The following SATB1 variants were observed in gnomAD, a reference collection of about 807,000 sequenced individuals.
SATB1 encodes the protein DNA-binding protein SATB1.
In SATB1, 11 loss-of-function variants were observed where a neutral mutation model predicts 86.9. The ratio of observed to expected loss-of-function variants is 0.13; its 90% CI spans 0.08 to 0.21. The LOEUF (loss-of-function observed/expected upper bound fraction) is 0.21. SATB1 is among the 10% of genes least tolerant of loss of function. SATB1 has a pLI of 1.00. For missense variants in SATB1, 551 were observed against 937.6 expected, an observed-to-expected ratio of 0.59 and a Z score of 5.39; for synonymous variants, 357 against 357.2, an observed-to-expected ratio of 1.00 and a Z score of 0.01.
chr3:18,428,634 T>C (rs567355028), upstream of SATB1, among the ~76,000 whole-genome samples: 1 of 152,250 alleles, frequency 6.6e-6, no homozygotes, highest in Non-Finnish European at 1.5e-5. Context: ...GCCATCAAAA[T>C]AGAAAACCTC....
Position 18,346,894 on chromosome 3 carries a change from T to C in SATB1, c.*2276A>G, listed in dbSNP as rs1694085249. On this transcript the variant is annotated 3_prime_UTR_variant, in exon 11 of 11. Transcript: ENST00000338745. Reference sequence around the variant, plus strand: ...TAAATACATGAAACCTAGTTTCTATTTTCTTAATTCAAATTCCTTTGGCTC... The same window carrying C: ...TAAATACATGAAACCTAGTTTCTATCTTCTTAATTCAAATTCCTTTGGCTC... 1 of 152,198 alleles carries C rather than the reference T, an allele frequency of 6.6e-6. No homozygotes were observed. Among genetic ancestry groups the C allele is most frequent in the Non-Finnish European group, 1.5e-5 (1 of 68,022 alleles). The allele number at this position is 152,198 out of a possible 1,614,324, so 9.4% of individuals were successfully genotyped here.
At chr3:18,426,205 A>C (rs1698695471), upstream of SATB1, among the ~76,000 whole-genome samples, 1 of 152,226 alleles carries the variant, frequency 6.6e-6, no homozygotes, top group Admixed American at 6.5e-5. This position sits in a 1 kb window ranked among gnomAD's most constrained non-coding sequence, Gnocchi z 4.2. Flanking sequence ...GTGGTCCTTA[A>C]ACTATGAGGA....
chr3:18,359,121 G>C (rs949831035), intron 9 of SATB1, among the ~76,000 whole-genome samples: 1 of 151,954 alleles, frequency 6.6e-6, no homozygotes, highest in African/African-American at 2.4e-5. Context: ...AATTTAATCA[G>C]ATAAAAAGGT....
chr3:18,407,969 A>C (rs2125142123), intron 5 of SATB1, among the ~76,000 whole-genome samples: 1 of 152,126 alleles, frequency 6.6e-6, no homozygotes, highest in Non-Finnish European at 1.5e-5. Context: ...GACAAGCCTG[A>C]GAGAGTTGGT....
At chr3:18,399,067 T>A (rs1697110591) in intron 5 of SATB1, among the ~76,000 whole-genome samples, 1 of 152,212 alleles carries the variant, frequency 6.6e-6, no homozygotes, top group Admixed American at 6.5e-5. Flanking sequence ...TTAAAAAAAT[T>A]ATTACTCTTT....
rs766836200 is a variant in SATB1 at position 18,349,341 on chromosome 3, C to T, written c.2121G>A (p.Lys707=). 1.9e-6 allele frequency: 3 copies of T among 1,614,132 alleles called. No individual in the cohort carries two copies. The highest frequency in any genetic ancestry group is 1.7e-6 in the Non-Finnish European group (2 of 1,180,032). Residue 707 remains lysine (K), a synonymous_variant, in exon 11 of 11, where the codon AAG becomes AAA. Transcript: ENST00000338745. This position sits in a 1 kb window ranked among gnomAD's most constrained non-coding sequence, Gnocchi z 5.5. ...CATCGACCTCTAAACCGGAATTGTC[C>T]TTCAGTTTGCCGTGGTGCTTGAGAT... ...RYYLKHHGKL[K]DNSGLEVDVA...
chr3:18,363,324 G>T lies in SATB1; in HGVS notation c.1576-11129C>A, dbSNP rs983662392. Among the ~76,000 whole-genome samples, 7 of 152,134 alleles carry T rather than the reference G, an allele frequency of 4.6e-5. No homozygotes were observed. In the East Asian group the frequency reaches 1.3e-3, roughly 29 times the overall value. On this transcript the variant is annotated intron_variant, in intron 9 of 10. Transcript: ENST00000338745. ...ATCCATTATACAAACTTGCTAATCA[G>T]AAGTTGGCTTAATTTGAAAGACCCA...
At chr3:18,376,179 A>C (rs969108463) in intron 9 of SATB1, among the ~76,000 whole-genome samples, 1 of 151,960 alleles carries the variant, frequency 6.6e-6, no homozygotes, top group Non-Finnish European at 1.5e-5. Flanking sequence ...TACTCAGCCC[A>C]GATTGGGGAG....
chr3:18,390,232 C>T (rs1696583123), intron 7 of SATB1, among the ~76,000 whole-genome samples: 1 of 152,108 alleles, frequency 6.6e-6, no homozygotes, highest in Admixed American at 6.6e-5. Flanking sequence ...AACATAATCA[C>T]TGATTCAAAT....
chr3:18,406,713 C>A (rs551424339), intron 5 of SATB1, among the ~76,000 whole-genome samples: 3 of 151,978 alleles, frequency 2.0e-5, no homozygotes, highest in Non-Finnish European at 2.9e-5. Context: ...AAGCATGAGA[C>A]AGCTTGAAAT....
chr3:18,360,599 A>G (rs1694861600), intron 9 of SATB1, among the ~76,000 whole-genome samples: 2 of 152,036 alleles, frequency 1.3e-5, no homozygotes, highest in Non-Finnish European at 2.9e-5. Flanking sequence ...ATGCCAATAA[A>G]ATGATTATAT....
intron 2 of SATB1, among the ~76,000 whole-genome samples, chr3:18,418,485 G>A (rs1371431286): frequency 6.6e-6 from 1 of 152,134 alleles, no homozygotes; most frequent in Non-Finnish European, 1.5e-5. Context: ...GGTACCAATA[G>A]GCTAGGCATG....
intron 9 of SATB1, among the ~76,000 whole-genome samples, chr3:18,370,649 T>C (rs1279306816): frequency 6.6e-6 from 1 of 152,012 alleles, no homozygotes; most frequent in East Asian, 1.9e-4. Context: ...ATTCCTCTCT[T>C]ATGTAACACA....
intron 9 of SATB1, among the ~76,000 whole-genome samples, chr3:18,374,703 G>T (rs1045921913): frequency 2.0e-5 from 3 of 152,046 alleles, no homozygotes; most frequent in Non-Finnish European, 4.4e-5. Context: ...CCACGAGTTG[G>T]CTTCTTTTAC....
chr3:18,430,342 A>T (rs1335153863), intron 2 of SATB1, among the ~76,000 whole-genome samples: 1 of 152,194 alleles, frequency 6.6e-6, no homozygotes, highest in African/African-American at 2.4e-5. Context: ...AGATCTGTAA[A>T]GTTGCAGGAA....
chr3:18,370,551 A>T (rs986259788), intron 9 of SATB1, among the ~76,000 whole-genome samples: 2 of 148,266 alleles, frequency 1.3e-5, no homozygotes, highest in Non-Finnish European at 3.0e-5. Context: ...AAAAACAAAA[A>T]AGAAAAAAGA....
At chr3:18,411,547 T>C (rs988806561) in intron 5 of SATB1, among the ~76,000 whole-genome samples, 2 of 151,864 alleles carry the variant, frequency 1.3e-5, no homozygotes, top group African/African-American at 4.8e-5. Flanking sequence ...TAAATAAAAA[T>C]GTTTACTTTT....
At chr3:18,445,355 G>A (rs991360747) in intron 1 of SATB1, 1 of 985,274 alleles carries the variant, frequency 1.0e-6, no homozygotes, top group Non-Finnish European at 1.2e-6. Context: ...CGGCCGGGGT[G>A]TGGGGGGCGG....
At chr3:18,353,559 T>C (rs1332810130) in intron 9 of SATB1, among the ~76,000 whole-genome samples, 1 of 152,084 alleles carries the variant, frequency 6.6e-6, no homozygotes, top group Non-Finnish European at 1.5e-5. Flanking sequence ...AATTATGTAA[T>C]TTTTAGATCT....
Sources: allele counts gnomAD v4.1 joint callset (sites outside exome capture counted in the v4.1 genomes callset), GRCh38; gene constraint gnomAD v4.1.1; non-coding constraint Gnocchi (gnomAD v3.1); transcripts MANE v1.5; gene names NCBI Gene and HGNC (gene_info 2026-07-23, HGNC 2026-07-21).